Variants in RANBP2 observed in about 807,000 individuals in gnomAD.
The protein encoded by RANBP2 is RAN binding protein 2.
A neutral mutation model predicts 303.6 loss-of-function variants in RANBP2; 57 were observed. That is an observed-to-expected ratio of 0.19 (90% CI 0.15 to 0.23). The LOEUF (loss-of-function observed/expected upper bound fraction) is 0.23. Ranked by LOEUF, RANBP2 falls within the 10% of genes least tolerant of loss-of-function variation. The pLI, the probability that RANBP2 is intolerant of heterozygous loss-of-function variation, is 1.00. For missense variants in RANBP2, 3,138 were observed against 3,780.8 expected, an observed-to-expected ratio of 0.83 and a Z score of 4.46; for synonymous variants, 1,167 against 1,301.5, an observed-to-expected ratio of 0.90 and a Z score of 2.23.
At chr2:108,754,825 A>C in intron 15 of RANBP2, 80 bp from the exon 16 acceptor site, 16 of 1,597,558 alleles carry the variant, frequency 1.0e-5, no homozygotes. Flanking sequence ...TGTAAATAAG[A>C]TAAAATATAT....
chr2:109,573,973 T>C, the RANBP2 span, among the ~76,000 whole-genome samples: 3 of 152,188 alleles, frequency 2.0e-5, no homozygotes, highest in African/African-American at 4.8e-5. Context: ...AAAGTAAAAT[T>C]AGTATCAACT....
At chr2:109,277,811 A>C in the RANBP2 span, among the ~76,000 whole-genome samples, 1 of 152,162 alleles carries the variant, frequency 6.6e-6, no homozygotes. Context: ...TGGCAGTCTT[A>C]CCTCTTAAAA....
At chr2:109,547,532 T>C in the RANBP2 span, among the ~76,000 whole-genome samples, 100 of 152,248 alleles carry the variant, frequency 6.6e-4, no homozygotes, top group African/African-American at 2.4e-3. Flanking sequence ...AATTCAGCAG[T>C]TTTTCACCTC....
At chr2:109,263,253 G>T in the RANBP2 span, among the ~76,000 whole-genome samples, 26 of 152,158 alleles carry the variant, frequency 1.7e-4, no homozygotes, top group African/African-American at 6.0e-4. Context: ...TTTTATGTTG[G>T]TTTAAATTAT....
At chr2:109,257,536 A>G in the RANBP2 span, among the ~76,000 whole-genome samples, 2 of 152,138 alleles carry the variant, frequency 1.3e-5, no homozygotes, top group Non-Finnish European at 2.9e-5. Flanking sequence ...GTTGTCAGCT[A>G]GGAAACTGTG....
At chr2:109,467,746 G>A in the RANBP2 span, among the ~76,000 whole-genome samples, 2 of 152,218 alleles carry the variant, frequency 1.3e-5, no homozygotes, top group African/African-American at 4.8e-5. Context: ...GCTCCTCTCT[G>A]ATTTAATCCC....
the RANBP2 span, among the ~76,000 whole-genome samples, chr2:108,922,472 A>G: frequency 2.0e-5 from 3 of 152,200 alleles, no homozygotes; most frequent in South Asian, 6.2e-4. Flanking sequence ...CCCACAGCAC[A>G]GAACCCTCCT....
the RANBP2 span, among the ~76,000 whole-genome samples, chr2:109,346,090 C>T: frequency 6.6e-6 from 1 of 152,246 alleles, no homozygotes; most frequent in African/African-American, 2.4e-5. Flanking sequence ...CAAATTACCC[C>T]TTGCCTCCGC....
chr2:109,032,793 C>T, the RANBP2 span, among the ~76,000 whole-genome samples: 4 of 152,228 alleles, frequency 2.6e-5, no homozygotes, highest in Non-Finnish European at 4.4e-5. Context: ...AATAATTTCC[C>T]TCCGGTTGCA....
chr2:108,931,058 G>C, the RANBP2 span: 3 of 1,605,142 alleles, frequency 1.9e-6, no homozygotes, highest in Middle Eastern at 1.6e-4. Flanking sequence ...CATTAGCTGG[G>C]CACTGGCGGT....
chr2:109,004,608 C>T, the RANBP2 span, among the ~76,000 whole-genome samples: 1 of 152,152 alleles, frequency 6.6e-6, no homozygotes, highest in African/African-American at 2.4e-5. Context: ...CAGTGAGAAG[C>T]GAGAAGAGGG....
chr2:109,193,763 C>A, the RANBP2 span, among the ~76,000 whole-genome samples: 2 of 152,082 alleles, frequency 1.3e-5, no homozygotes, highest in Admixed American at 1.3e-4. Context: ...AAAGGGAGGG[C>A]AATTAAAGGG....
chr2:108,989,814 T>C, the RANBP2 span, among the ~76,000 whole-genome samples: 1 of 110,898 alleles, frequency 9.0e-6, no homozygotes, highest in Non-Finnish European at 2.3e-5. Context: ...AAGTAAATGA[T>C]TGGGGGGGGG....
the RANBP2 span, among the ~76,000 whole-genome samples, chr2:109,610,340 G>T: frequency 6.6e-6 from 1 of 152,010 alleles, no homozygotes; most frequent in South Asian, 2.1e-4. Context: ...CATCCATCTG[G>T]GCCTCCCAAA....
intron 18 of RANBP2, among the ~76,000 whole-genome samples, chr2:108,760,111 C>G (rs1172412796): frequency 6.6e-6 from 1 of 151,998 alleles, no homozygotes; most frequent in Non-Finnish European, 1.5e-5. Flanking sequence ...AAACATATAT[C>G]AAGATGGTCC....
the RANBP2 span, among the ~76,000 whole-genome samples, chr2:109,053,114 A>G: frequency 3.0e-4 from 45 of 152,110 alleles, no homozygotes; most frequent in African/African-American, 1.1e-3. Flanking sequence ...CTTTGCTGTG[A>G]GTGGACCCCA....
At chr2:109,727,946 A>G in the RANBP2 span, among the ~76,000 whole-genome samples, 7 of 152,302 alleles carry the variant, frequency 4.6e-5, 1 homozygote, top group Admixed American at 6.5e-5. Flanking sequence ...GGCAAAGTCT[A>G]TGCTCCTTCC....
At chr2:109,137,108 G>T in the RANBP2 span, among the ~76,000 whole-genome samples, 1 of 152,198 alleles carries the variant, frequency 6.6e-6, no homozygotes, top group African/African-American at 2.4e-5. Context: ...TAGGTGACCA[G>T]ATATGCTGCA....
intron 11 of RANBP2, 74 bp from the exon 12 acceptor site, chr2:108,751,797 C>T (rs1675907473): frequency 4.3e-6 from 7 of 1,611,804 alleles, no homozygotes; most frequent in South Asian, 3.3e-5. Flanking sequence ...TCATGTGACC[C>T]ATTAACATAT....
Sources: allele counts gnomAD v4.1 joint callset (sites outside exome capture counted in the v4.1 genomes callset), GRCh38; gene constraint gnomAD v4.1.1; transcripts MANE v1.5; gene names NCBI Gene and HGNC (gene_info 2026-07-23, HGNC 2026-07-21).